Variants in EBF1 observed in about 807,000 individuals in gnomAD.
The protein encoded by EBF1 is transcription factor COE1.
EBF1 carries 10 observed loss-of-function variants against 68.4 expected under a neutral mutation model. The observed-to-expected ratio is 0.15, with a 90% CI of 0.09 to 0.25. The LOEUF (loss-of-function observed/expected upper bound fraction) is 0.25, where lower values mean the gene tolerates loss of function less well. Among genes scored for constraint, EBF1 ranks in the 10% least tolerant of loss-of-function variants. EBF1 has a pLI of 1.00. For synonymous variants in EBF1, 298 were observed against 299.8 expected (o/e 0.99, Z 0.06); for missense variants, 509 against 794.4 (o/e 0.64, Z 4.32).
chr5:159,020,479 C>T (rs1036214546), intron 6 of EBF1, among the ~76,000 whole-genome samples: 13 of 152,256 alleles, frequency 8.5e-5, no homozygotes, highest in African/African-American at 2.9e-4. Flanking sequence ...GGGACTTCAC[C>T]CTCAATCGAG....
chr5:158,699,207 TG>T, intron 15 of EBF1, 65 bp from the exon 16 acceptor site: 1 of 1,497,020 alleles, frequency 6.7e-7, no homozygotes, highest in Non-Finnish European at 9.0e-7. Flanking sequence ...AGAAAAATAA[TG>T]AAGACTAAAA....
chr5:158,821,473 G>C (rs1784812006), intron 8 of EBF1, among the ~76,000 whole-genome samples: 1 of 152,158 alleles, frequency 6.6e-6, no homozygotes, highest in African/African-American at 2.4e-5. Flanking sequence ...GGTGTGGCCT[G>C]AGCATATTTT....
intron 6 of EBF1, among the ~76,000 whole-genome samples, chr5:158,896,966 G>A (rs964226695): frequency 3.9e-5 from 6 of 152,020 alleles, no homozygotes; most frequent in Non-Finnish European, 8.8e-5. Context: ...GGTAGAATTT[G>A]GGTCCCTTGA....
intron 6 of EBF1, among the ~76,000 whole-genome samples, chr5:158,857,700 G>A (rs34591328): frequency 0.014 from 2,060 of 152,204 alleles, 24 homozygotes; most frequent in Admixed American, 0.026. Flanking sequence ...AAATGGAGAC[G>A]GGGAAAAAAT....
In EBF1 at chr5:158,872,975, C is replaced by T. The variant is rs59527763; in HGVS notation, c.555-32865G>A. Among the ~76,000 whole-genome samples the T allele has an allele frequency of 3.8e-5, 5 of 132,962 alleles. No homozygotes were observed. The East Asian group carries it at 6.9e-4, about 18-fold the overall frequency. The allele number at this position is 132,962 out of a possible 152,430, so 87.2% of individuals were successfully genotyped here. On this transcript the variant is annotated intron_variant, in intron 6 of 15. Transcript: ENST00000313708. ...AAAAGCCATACCTTTGTCCAGGGCT[C>T]TTCAGTCAAGAATGACACTAATTTT...
chr5:158,775,779 C>CAG (rs1175605711), intron 10 of EBF1, among the ~76,000 whole-genome samples: 4 of 112,348 alleles, frequency 3.6e-5, no homozygotes, highest in Admixed American at 1.0e-4. Flanking sequence ...CACACATGCA[C>CAG]ACAGACACAC....
At chr5:158,933,490 A>G (rs547224834) in intron 6 of EBF1, among the ~76,000 whole-genome samples, 1 of 152,352 alleles carries the variant, frequency 6.6e-6, no homozygotes, top group African/African-American at 2.4e-5. Context: ...GCTCAGAAAA[A>G]TAATATAGAT....
In EBF1 at chr5:158,702,593, G is replaced by A. The variant is rs187454911; in HGVS notation, c.1745-3451C>T. The stretch of plus-strand genomic sequence containing the variant: ...TGGAGTGAGAGGGTGGAATGTGGTC[G>A]TACCCAAACCACCACATGTGTAAGA... On this transcript the variant is annotated intron_variant, in intron 15 of 15. Transcript: ENST00000313708. 3.1e-3 allele frequency among the ~76,000 whole-genome samples: 478 copies of A among 151,960 alleles called. 2 individuals are homozygous for A. The highest frequency in any genetic ancestry group is 0.01 in the African/African-American group (432 of 41,420).
intron 6 of EBF1, among the ~76,000 whole-genome samples, chr5:158,956,837 C>A (rs1817228767): frequency 6.7e-6 from 1 of 149,370 alleles, no homozygotes; most frequent in South Asian, 2.1e-4. Flanking sequence ...GGGCTCACTG[C>A]AAACTCCACC....
At chr5:159,014,937 T>C (rs968629493) in intron 6 of EBF1, among the ~76,000 whole-genome samples, 5 of 152,136 alleles carry the variant, frequency 3.3e-5, no homozygotes, top group African/African-American at 1.2e-4. Flanking sequence ...GCTGGAGGGC[T>C]TTGGGGGAAA....
intron 1 of EBF1, among the ~76,000 whole-genome samples, chr5:159,098,300 G>C (rs1783015873): frequency 6.6e-6 from 1 of 152,234 alleles, no homozygotes; most frequent in South Asian, 2.1e-4. Flanking sequence ...CAAGGGCAAT[G>C]CCTCCAGGCC....
In EBF1 at chr5:158,708,038, A is replaced by T; in HGVS notation, c.1685T>A (p.Val562Asp). 1 of 1,553,396 alleles carries T rather than the reference A, an allele frequency of 6.4e-7. No individual in the cohort carries two copies. The highest frequency in any genetic ancestry group is 8.7e-7 in the Non-Finnish European group (1 of 1,148,378). ...GGGAGGTGGGGAGGTCTGGGGTCTG[A>T]CGACTGGTGCGAAAGCACTCTTCTG... ...VKQKSAFAPV[V>D]RPQTSPPPTC... Residue 562 changes from valine to aspartate, a missense_variant, in exon 15 of 16, where the codon GTC becomes GAC. Val to Asp is a radical substitution (Grantham distance 152, BLOSUM62 -3). Around this residue, in one of 3 missense-constraint regions of EBF1, gnomAD observed 205 missense variants for 247.4 expected, o/e 0.83. Coordinates refer to ENST00000313708, the MANE Select transcript of EBF1 (RefSeq NM_024007.5).
At chr5:158,928,665 A>T (rs2127431118) in intron 6 of EBF1, among the ~76,000 whole-genome samples, 1 of 152,322 alleles carries the variant, frequency 6.6e-6, no homozygotes, top group East Asian at 1.9e-4. Flanking sequence ...TTAAGTGGGA[A>T]CCTCTACAAA....
chr5:159,015,180 A>C (rs1446533685), intron 6 of EBF1, among the ~76,000 whole-genome samples: 1 of 152,168 alleles, frequency 6.6e-6, no homozygotes, highest in African/African-American at 2.4e-5. Flanking sequence ...GATGAGTAAA[A>C]CCTACCTCAG....
chr5:159,072,712 C>G (rs1243629801), intron 6 of EBF1, among the ~76,000 whole-genome samples: 1 of 152,174 alleles, frequency 6.6e-6, no homozygotes, highest in African/African-American at 2.4e-5. Context: ...TGGAATGCGA[C>G]TTTGCATAAT....
At chr5:159,040,714 G>A (rs1771024997) in intron 6 of EBF1, among the ~76,000 whole-genome samples, 1 of 152,238 alleles carries the variant, frequency 6.6e-6, no homozygotes, top group Non-Finnish European at 1.5e-5. Flanking sequence ...ATATTGCACT[G>A]TAAAATGTTT....
intron 11 of EBF1, among the ~76,000 whole-genome samples, chr5:158,720,223 G>A (rs1183888178): frequency 1.3e-5 from 2 of 152,066 alleles, no homozygotes; most frequent in African/African-American, 4.8e-5. Flanking sequence ...TGTGCATTCA[G>A]CTCCTAGACT....
chr5:158,800,064 C>G (rs922126091), intron 8 of EBF1, among the ~76,000 whole-genome samples: 1 of 152,006 alleles, frequency 6.6e-6, no homozygotes, highest in East Asian at 1.9e-4. Context: ...GCGGTATTGA[C>G]AGCAAAAAAT....
rs116560779 is a variant in EBF1 at position 159,008,829 on chromosome 5, G to A, written c.554+64567C>T. ...TGGGATTACAGGTGTGAGCCACCGCGCCCAGCCTAAACATTTTCATATTTT... is the reference window on the plus strand; with the variant it reads ...TGGGATTACAGGTGTGAGCCACCGCACCCAGCCTAAACATTTTCATATTTT... On this transcript the variant is annotated intron_variant, in intron 6 of 15. Transcript: ENST00000313708. Among the ~76,000 whole-genome samples, 490 of 152,200 alleles carry A rather than the reference G, an allele frequency of 3.2e-3. 3 individuals carry two copies. The highest frequency in any genetic ancestry group is 0.011 in the African/African-American group (449 of 41,526).
Sources: gnomAD v4.1 joint callset for allele counts (sites outside exome capture counted in the v4.1 genomes callset) on GRCh38, gnomAD v4.1.1 for gene constraint, gnomAD v4.1.1 regional missense constraint, MANE v1.5 for transcripts, NCBI Gene and HGNC (gene_info 2026-07-23, HGNC 2026-07-21) for gene names.